Variants in DPH6 observed in about 807,000 individuals in gnomAD.
DPH6 encodes diphthine--ammonia ligase.
In DPH6, 33 loss-of-function variants were observed where a neutral mutation model predicts 38.2. The ratio of observed to expected loss-of-function variants is 0.86; its 90% confidence interval spans 0.65 to 1.15. The LOEUF is 1.15. Among genes scored for constraint, DPH6 ranks in the 50% most tolerant of loss-of-function variants. DPH6 has a pLI of 0.00. For missense variants in DPH6, 325 were observed against 320.0 expected (o/e 1.02, Z -0.12); for synonymous variants, 108 against 103.0 (o/e 1.05, Z -0.30).
At chr15:35,314,007 A>G (rs767889894) in intron 3 of DPH6, among the ~76,000 whole-genome samples, 26 of 152,092 alleles carry the variant, frequency 1.7e-4, no homozygotes, top group Non-Finnish European at 2.9e-4. Context: ...GAGTGAAGAG[A>G]CATCCCACAG....
the DPH6 span, among the ~76,000 whole-genome samples, chr15:35,192,525 T>C: frequency 6.6e-6 from 1 of 152,186 alleles, no homozygotes; most frequent in East Asian, 1.9e-4. Context: ...TGAACAATGC[T>C]CTAAGCTTTA....
At chr15:35,146,988 CT>C in the DPH6 span, among the ~76,000 whole-genome samples, 1 of 152,148 alleles carries the variant, frequency 6.6e-6, no homozygotes. Flanking sequence ...GGAGGAAACA[CT>C]GGTTAATATA....
intron 3 of DPH6, among the ~76,000 whole-genome samples, chr15:35,262,737 G>A (rs964383265): frequency 9.6e-4 from 108 of 112,542 alleles, no homozygotes; most frequent in African/African-American, 4.2e-3. Flanking sequence ...AAAAAAAAAA[G>A]ATATCTTAAT....
the DPH6 span, among the ~76,000 whole-genome samples, chr15:35,182,324 A>G: frequency 6.9e-6 from 1 of 144,660 alleles, no homozygotes; most frequent in Non-Finnish European, 1.5e-5. Context: ...AGAGTGTTTC[A>G]GACTATATTA....
intron 6 of DPH6, among the ~76,000 whole-genome samples, chr15:35,408,015 G>A (rs933871514): frequency 2.0e-5 from 3 of 152,010 alleles, no homozygotes; most frequent in South Asian, 4.1e-4. Context: ...GGGCAATGGT[G>A]GAAGTAAGCA....
the DPH6 span, among the ~76,000 whole-genome samples, chr15:35,167,425 C>CT: frequency 6.8e-6 from 1 of 147,942 alleles, no homozygotes; most frequent in Non-Finnish European, 1.5e-5. Context: ...ATATGTCACT[C>CT]TAACTTTCAA....
chr15:35,250,107 G>A (rs2051662512), intron 3 of DPH6, among the ~76,000 whole-genome samples: 1 of 152,038 alleles, frequency 6.6e-6, no homozygotes, highest in Non-Finnish European at 1.5e-5. Context: ...GAACCCGGGA[G>A]GCAGAGCTTG....
chr15:35,215,748 T>C (rs1218778147), downstream of DPH6, among the ~76,000 whole-genome samples: 1 of 152,216 alleles, frequency 6.6e-6, no homozygotes, highest in Non-Finnish European at 1.5e-5. Context: ...TTTACCTGCA[T>C]AATTTCATTT....
intron 3 of DPH6, among the ~76,000 whole-genome samples, chr15:35,475,059 A>C (rs2054248047): frequency 1.3e-5 from 2 of 152,090 alleles, no homozygotes; most frequent in South Asian, 4.1e-4. Context: ...CTGCATCTGA[A>C]TAATGAAGCA....
At chr15:35,250,576 T>G (rs1370248650) in intron 3 of DPH6, among the ~76,000 whole-genome samples, 1 of 152,216 alleles carries the variant, frequency 6.6e-6, no homozygotes, top group Non-Finnish European at 1.5e-5. Flanking sequence ...TGCTGAATAT[T>G]TTGAATTTCT....
In DPH6 at chr15:35,410,844, A is replaced by G; in HGVS notation, c.558T>C (p.Tyr186=). 2 of 1,602,092 alleles carry G rather than the reference A, an allele frequency of 1.2e-6. No individual in the cohort carries two copies. The highest frequency in any genetic ancestry group is 1.1e-5 in the South Asian group (1 of 89,658). The change falls in exon 6 of 9, where the codon TAT becomes TAC. Residue 186 remains tyrosine, a synonymous_variant. Coordinates refer to ENST00000256538, the MANE Select transcript of DPH6 (RefSeq NM_080650.4). ...TAGTATAAATTCTTACCTCTATGAGATAAGGCTCCATTTGATCCAGGGTTT... is the reference window on the plus strand; with the variant it reads ...TAGTATAAATTCTTACCTCTATGAGGTAAGGCTCCATTTGATCCAGGGTTT... ...LGKTLDQMEP[Y]LIELSKKYGV... is the part of the protein sequence containing the mutation.
At chr15:35,534,783 C>T (rs1226611365) in intron 3 of DPH6, among the ~76,000 whole-genome samples, 1 of 152,214 alleles carries the variant, frequency 6.6e-6, no homozygotes. Context: ...CATCCTTACA[C>T]TGCAATTCTA....
At chr15:35,252,723 C>CT (rs1220301576) in intron 3 of DPH6, among the ~76,000 whole-genome samples, 9 of 152,236 alleles carry the variant, frequency 5.9e-5, no homozygotes, top group Admixed American at 1.3e-4. Context: ...AACAAATAAA[C>CT]TGTCTAAGAC....
At position 35,264,704 on chromosome 15, in the gene DPH6, G is replaced by A. The variant is rs115953356; in HGVS notation, n.201-44122C>T. 7.6e-3 allele frequency among the ~76,000 whole-genome samples: 1,158 copies of A among 152,234 alleles called. 18 individuals are homozygous for A. The highest frequency in any genetic ancestry group is 0.026 in the African/African-American group (1,076 of 41,520). On this transcript the variant is annotated intron_variant and non_coding_transcript_variant, in intron 3 of 3. Transcript: ENST00000560386. ...AGTTTGGCACAACAAAGCATACCAC[G>A]CATGTTCATTTGTACATTCATTCAT...
chr15:35,491,741 TA>T (rs893409037), intron 3 of DPH6, among the ~76,000 whole-genome samples: 7 of 149,822 alleles, frequency 4.7e-5, no homozygotes, highest in African/African-American at 1.7e-4. Context: ...CTAGATATAT[TA>T]ATTTACATGT....
chr15:35,457,996 A>G (rs990764111), intron 3 of DPH6, among the ~76,000 whole-genome samples: 3 of 152,220 alleles, frequency 2.0e-5, no homozygotes, highest in Non-Finnish European at 2.9e-5. Context: ...AATATAAGAT[A>G]GTATAGTATT....
At chr15:35,319,366 G>C (rs1324436321) in intron 3 of DPH6, among the ~76,000 whole-genome samples, 1 of 152,028 alleles carries the variant, frequency 6.6e-6, no homozygotes, top group Admixed American at 6.6e-5. Context: ...GTGGTTCAAG[G>C]TGATCAATTG....
rs182747293 is a variant in DPH6 at position 35,373,054 on chromosome 15, G to A, written c.750+467C>T. Among the ~76,000 whole-genome samples the A allele has an allele frequency of 4.0e-5, 6 of 151,796 alleles. No individual in the cohort carries two copies. In the East Asian group the frequency reaches 5.8e-4, roughly 15 times the overall value. On this transcript the variant is annotated intron_variant, in intron 8 of 8. Coordinates refer to ENST00000256538, the MANE Select transcript of DPH6 (RefSeq NM_080650.4). ...TGTATTTAAAATAAAACTCTTTATT[G>A]TAATTTTGCTTCACTTTCCATCTTC...
At chr15:35,197,800 G>A in the DPH6 span, among the ~76,000 whole-genome samples, 1 of 152,128 alleles carries the variant, frequency 6.6e-6, no homozygotes, top group Non-Finnish European at 1.5e-5. Flanking sequence ...TCCTTAAAAT[G>A]CAAACAGGGG....
Sources: gnomAD v4.1 joint callset for allele counts (sites outside exome capture counted in the v4.1 genomes callset) on GRCh38, gnomAD v4.1.1 for gene constraint, MANE v1.5 for transcripts, NCBI Gene and HGNC (gene_info 2026-07-23, HGNC 2026-07-21) for gene names.